PRORP: variants seen among roughly 807,000 people sequenced by gnomAD.
The protein encoded by PRORP is protein only RNase P catalytic subunit.
Under a neutral mutation model 59.4 loss-of-function variants are expected in PRORP, and 51 were observed. The observed-to-expected ratio is 0.86, with a 90% CI of 0.69 to 1.08. The LOEUF (loss-of-function observed/expected upper bound fraction) is 1.08. Ranked by LOEUF, PRORP falls within the 50% of genes least tolerant of loss-of-function variation. The pLI, the probability that PRORP is intolerant of heterozygous loss-of-function variation, is 0.00. For synonymous variants in PRORP, 231 were observed against 245.6 expected, an observed-to-expected ratio of 0.94 and a Z score of 0.55; for missense variants, 646 against 690.3, an observed-to-expected ratio of 0.94 and a Z score of 0.72.
intron 5 of PRORP, among the ~76,000 whole-genome samples, chr14:35,237,117 G>C (rs187727808): frequency 2.8e-5 from 4 of 144,084 alleles, no homozygotes; most frequent in Admixed American, 2.1e-4. Context: ...TCTCTCGACA[G>C]AGTCTTGCTC....
intron 4 of PRORP, 107 bp downstream of exon 4, chr14:35,127,718 G>A (rs993018828): frequency 4.0e-5 from 46 of 1,138,676 alleles, no homozygotes; most frequent in South Asian, 8.4e-5. Flanking sequence ...GTAGGTCATC[G>A]GTCCCTGTTG....
chr14:35,158,712 T>C, intron 4 of PRORP: 3 of 389,222 alleles, frequency 7.7e-6, no homozygotes, highest in Non-Finnish European at 1.5e-5. Flanking sequence ...CAGCAATTAC[T>C]ATTATCTACT....
intron 5 of PRORP, among the ~76,000 whole-genome samples, chr14:35,266,506 C>T (rs1356810481): frequency 2.0e-5 from 3 of 151,968 alleles, no homozygotes; most frequent in African/African-American, 7.2e-5. Context: ...AGAAACCCCC[C>T]CCTGCAATGT....
chr14:35,169,535 G>A (rs913772997), intron 4 of PRORP, among the ~76,000 whole-genome samples: 6 of 152,166 alleles, frequency 3.9e-5, no homozygotes, highest in Non-Finnish European at 8.8e-5. Context: ...GGGGAAGCAG[G>A]CATGTCTTAC....
At position 35,184,349 on chromosome 14, in the gene PRORP, A is replaced by G. The variant is rs142367346; in HGVS notation, c.1275+3572A>G. On this transcript the variant is annotated intron_variant, in intron 5 of 7. Coordinates refer to ENST00000534898, the MANE Select transcript of PRORP (RefSeq NM_014672.4). ...TTATATTTTAACTTTTCTGAAGTCTATGTTATAATTCATGTCAGTAGAAAC... is the reference window on the plus strand; with the variant it reads ...TTATATTTTAACTTTTCTGAAGTCTGTGTTATAATTCATGTCAGTAGAAAC... Among the ~76,000 whole-genome samples the G allele has an allele frequency of 6.6e-5, 10 of 152,278 alleles. No individual in the cohort carries two copies. In the East Asian group the frequency reaches 9.6e-4, roughly 15 times the overall value.
chr14:35,238,520 T>G (rs986014646), intron 5 of PRORP, among the ~76,000 whole-genome samples: 1 of 152,116 alleles, frequency 6.6e-6, no homozygotes, highest in African/African-American at 2.4e-5. Context: ...TAATGACATC[T>G]TGAACTAAAG....
intron 4 of PRORP, among the ~76,000 whole-genome samples, chr14:35,136,292 T>C (rs1595170655): frequency 6.6e-6 from 1 of 152,192 alleles, no homozygotes; most frequent in Non-Finnish European, 1.5e-5. Context: ...TTCCTTTTCT[T>C]TTGTCACCCT....
rs371600289 is a variant in PRORP at position 35,199,485 on chromosome 14, G to A, written c.1275+18708G>A. On this transcript the variant is annotated intron_variant, in intron 5 of 7. Transcript: ENST00000534898. Reference sequence around the variant, plus strand: ...TAGGTCATGAGGACTCTGCCCTCGTGGATGGGATTAGCACCCTTATAAAAG... The same window carrying A: ...TAGGTCATGAGGACTCTGCCCTCGTAGATGGGATTAGCACCCTTATAAAAG... Among the ~76,000 whole-genome samples, 11 of 152,256 alleles carry A rather than the reference G, an allele frequency of 7.2e-5. No homozygotes were observed. In the East Asian group the frequency reaches 1.7e-3, roughly 24 times the overall value.
At chr14:35,181,549 C>T (rs1241433550) in intron 5 of PRORP, among the ~76,000 whole-genome samples, 1 of 151,992 alleles carries the variant, frequency 6.6e-6, no homozygotes, top group Admixed American at 6.6e-5. Context: ...CTTTGGGAGG[C>T]CAAGGTGGGT....
intron 5 of PRORP, among the ~76,000 whole-genome samples, chr14:35,194,232 C>G (rs897697700): frequency 6.6e-6 from 1 of 152,150 alleles, no homozygotes; most frequent in African/African-American, 2.4e-5. Flanking sequence ...TGAGAGTTCA[C>G]TCATGATTTG....
At chr14:35,171,108 C>G (rs2048304880) in intron 4 of PRORP, among the ~76,000 whole-genome samples, 1 of 152,106 alleles carries the variant, frequency 6.6e-6, no homozygotes, top group Non-Finnish European at 1.5e-5. Context: ...CTCGGCCTCC[C>G]AAAGTGCTGG....
intron 4 of PRORP, among the ~76,000 whole-genome samples, chr14:35,160,229 C>T (rs952962183): frequency 2.6e-5 from 4 of 152,192 alleles, no homozygotes; most frequent in African/African-American, 2.4e-5. Context: ...AGATTTCTAC[C>T]TGAGTATTCC....
chr14:35,272,348 C>T (rs61988269), intron 7 of PRORP, among the ~76,000 whole-genome samples: 19,062 of 152,194 alleles, frequency 0.13, 1,398 homozygotes, highest in Middle Eastern at 0.22. Flanking sequence ...TGCAGTGGCT[C>T]ACTTGTGTAA....
rs201573893 is a variant in PRORP, at chr14:35,145,400, A to AT, written c.1167+17799dup. ...CATCAACACCTGTGAAAAGGGGAAA[A>AT]TTTTTTTTTTGGTCAAAATAGCTAT... On this transcript the variant is annotated intron_variant, in intron 4 of 7. Transcript: ENST00000534898. Among the ~76,000 whole-genome samples, 1,143 of 139,970 alleles carry AT rather than the reference A, an allele frequency of 8.2e-3. 79 individuals carry two copies. The highest frequency in any genetic ancestry group is 0.017 in the African/African-American group (700 of 40,154). The allele number at this position is 139,970 out of a possible 152,430, so 91.8% of individuals were successfully genotyped here.
At chr14:35,127,343 G>A (rs2047123158) in intron 3 of PRORP, 136 bp from the exon 4 acceptor site, 1 of 596,902 alleles carries the variant, frequency 1.7e-6, no homozygotes, top group Non-Finnish European at 2.6e-6. Flanking sequence ...AAAATTAGAT[G>A]TATGTGATTA....
chr14:35,264,150 T>C (rs1473857447), intron 5 of PRORP, among the ~76,000 whole-genome samples: 2 of 151,886 alleles, frequency 1.3e-5, no homozygotes, highest in Non-Finnish European at 2.9e-5. Context: ...TTTTTTGAGA[T>C]GGAATCTTGC....
At chr14:35,138,119 T>C (rs2047412270) in intron 4 of PRORP, among the ~76,000 whole-genome samples, 1 of 146,048 alleles carries the variant, frequency 6.8e-6, no homozygotes, top group South Asian at 2.2e-4. Context: ...TGCCGATGGC[T>C]ACCTTCTTGT....
chr14:35,161,286 C>T (rs1033107644), intron 4 of PRORP, among the ~76,000 whole-genome samples: 5 of 152,280 alleles, frequency 3.3e-5, no homozygotes, highest in Middle Eastern at 3.4e-3. Context: ...AATAGCCCTT[C>T]GAAGTATGTG....
chr14:35,175,867 G>A (rs2139016317), intron 4 of PRORP, among the ~76,000 whole-genome samples: 1 of 152,262 alleles, frequency 6.6e-6, no homozygotes, highest in African/African-American at 2.4e-5. Context: ...AGTTTTTATG[G>A]TTTTAGGTCT....
Sources: gnomAD v4.1 joint callset for allele counts (sites outside exome capture counted in the v4.1 genomes callset) on GRCh38, gnomAD v4.1.1 for gene constraint, MANE v1.5 for transcripts, NCBI Gene and HGNC (gene_info 2026-07-23, HGNC 2026-07-21) for gene names.